Variants in GANC observed in about 807,000 individuals in gnomAD.
GANC encodes glucosidase alpha, neutral C.
In GANC, 117 loss-of-function variants were observed where a neutral mutation model predicts 124.2. The ratio of observed to expected loss-of-function variants is 0.94; its 90% CI spans 0.81 to 1.10. The LOEUF is 1.10. GANC is among the 50% of genes least tolerant of loss of function. The pLI, the probability that GANC is intolerant of heterozygous loss-of-function variation, is 0.00. For missense variants in GANC, 1,140 were observed against 1,095.0 expected (o/e 1.04, Z -0.58); for synonymous variants, 377 against 376.8 (o/e 1.00, Z -0.01).
chr15:42,282,913 T>C (rs1347055014), intron 3 of GANC, among the ~76,000 whole-genome samples: 1 of 152,220 alleles, frequency 6.6e-6, no homozygotes. Flanking sequence ...TCTTGTGCCC[T>C]CGCATAGTGG....
At chr15:42,308,343 G>A in intron 8 of GANC, 25 bp downstream of exon 8, 3 of 1,443,070 alleles carry the variant, frequency 2.1e-6, no homozygotes, top group Non-Finnish European at 2.9e-6. Context: ...GAATTCTTAT[G>A]GGAGTCTCTG....
chr15:42,345,718 G>T, intron 19 of GANC, 40 bp from the exon 20 acceptor site: 2 of 1,240,464 alleles, frequency 1.6e-6, no homozygotes, highest in South Asian at 1.3e-5. Flanking sequence ...GAGCAGAGTT[G>T]CTTATGTACT....
chr15:42,330,452 TATTTTA>T, intron 14 of GANC, 118 bp from the exon 15 acceptor site: 1 of 631,814 alleles, frequency 1.6e-6, no homozygotes, highest in East Asian at 3.1e-5. Flanking sequence ...TTGATGGATT[TATTTTA>T]ATATTTTCCA....
At chr15:42,295,020 G>T in intron 5 of GANC, among the ~76,000 whole-genome samples, 1 of 142,210 alleles carries the variant, frequency 7.0e-6, no homozygotes. Flanking sequence ...CACCCAGGCT[G>T]GAGTGCAGTG....
At chr15:42,305,391 C>T (rs2051984957) in intron 6 of GANC, among the ~76,000 whole-genome samples, 1 of 152,214 alleles carries the variant, frequency 6.6e-6, no homozygotes, top group African/African-American at 2.4e-5. Context: ...ATCAAAACCA[C>T]AATGAGATAC....
Position 42,329,350 on chromosome 15 carries a change from T to C in GANC, c.1545T>C (p.Pro515=), listed in dbSNP as rs2052223259. Residue 515 remains proline, a synonymous_variant, in exon 14 of 24, where the codon CCT becomes CCC. Transcript: ENST00000318010. ...ILFLWNDMNE[P]SVFRGPEQTM... is the part of the protein sequence containing the mutation. Reference sequence around the variant, plus strand: ...TCCTTTGGAATGACATGAATGAGCCTTCTGTCTTTAGAGGGCCAGAGCAAA... The same window carrying C: ...TCCTTTGGAATGACATGAATGAGCCCTCTGTCTTTAGAGGGCCAGAGCAAA... 6.2e-7 allele frequency: 1 copy of C among 1,614,020 alleles called. No individual in the cohort carries two copies. The highest frequency in any genetic ancestry group is 1.1e-5 in the South Asian group (1 of 91,060).
At chr15:42,341,468 C>G (rs1273253346) in intron 18 of GANC, among the ~76,000 whole-genome samples, 1 of 152,092 alleles carries the variant, frequency 6.6e-6, no homozygotes, top group Non-Finnish European at 1.5e-5. Context: ...GATTAACTAT[C>G]AAATCCAGAA....
intron 2 of GANC, among the ~76,000 whole-genome samples, chr15:42,277,031 G>C (rs974641800): frequency 7.9e-5 from 12 of 151,888 alleles, no homozygotes; most frequent in Non-Finnish European, 1.3e-4. Context: ...CTAGACCCTT[G>C]GGTTGTTTTT....
At position 42,329,289 on chromosome 15, in the gene GANC, C is replaced by T; in HGVS notation, c.1501-17C>T. On this transcript the variant is annotated splice_polypyrimidine_tract_variant and intron_variant, in intron 13 of 23. Coordinates refer to ENST00000318010, the MANE Select transcript of GANC (RefSeq NM_198141.3). ...ATCATCAATGTAGGAGTGTCATGACCAAGGTTTACTTCCTAGGGATCTACG... is the reference window on the plus strand; with the variant it reads ...ATCATCAATGTAGGAGTGTCATGACTAAGGTTTACTTCCTAGGGATCTACG... 2 of 1,604,982 alleles carry T rather than the reference C, an allele frequency of 1.2e-6. No homozygotes were observed. Among genetic ancestry groups the T allele is most frequent in the Non-Finnish European group, 1.7e-6 (2 of 1,176,574 alleles).
chr15:42,330,444 G>A, intron 14 of GANC, 132 bp from the exon 15 acceptor site: 2 of 607,338 alleles, frequency 3.3e-6, no homozygotes, highest in Non-Finnish European at 5.7e-6. Flanking sequence ...AAAATTATTT[G>A]ATGGATTTAT....
intron 10 of GANC, among the ~76,000 whole-genome samples, chr15:42,312,171 G>C (rs541670851): frequency 6.6e-6 from 1 of 152,288 alleles, no homozygotes; most frequent in South Asian, 2.1e-4. Context: ...TGGAAAAGCT[G>C]ATCTTCCATA....
At position 42,348,262 on chromosome 15, in the gene GANC, C is replaced by T. The variant is rs765380528; in HGVS notation, c.2418+46C>T. 5 of 1,186,176 alleles carry T rather than the reference C, an allele frequency of 4.2e-6. No homozygotes were observed. The African/African-American group carries it at 7.6e-5, about 18-fold the overall frequency. The allele number at this position is 1,186,176 out of a possible 1,614,324, so 73.5% of individuals were successfully genotyped here. A position where few individuals can be genotyped will look rare whatever the true frequency, so the allele number is the denominator to read the frequency against. ...TCATTTTGTTTCTACTCTTTCTTTA[C>T]AGTGATAGCCTTTTGAGTGTGTGAC... On this transcript the variant is annotated intron_variant, in intron 21 of 23. Coordinates refer to ENST00000318010, the MANE Select transcript of GANC (RefSeq NM_198141.3).
At chr15:42,309,477 G>A (rs1370717158) in intron 8 of GANC, among the ~76,000 whole-genome samples, 1 of 151,828 alleles carries the variant, frequency 6.6e-6, no homozygotes. Flanking sequence ...GCGCCACTAC[G>A]CCCAGCTAAT....
intron 10 of GANC, among the ~76,000 whole-genome samples, chr15:42,318,449 C>T (rs751184441): frequency 3.3e-5 from 5 of 152,224 alleles, no homozygotes; most frequent in Admixed American, 6.5e-5. Context: ...TACCTTCTTG[C>T]TCCAAAACCA....
chr15:42,273,250 C>T lies in GANC; in HGVS notation c.-1232C>T, dbSNP rs555842171. Reference sequence around the variant, plus strand: ...GGTTCAGACGTTAGTGAAGTGAATACTCACCGACGGTATCGGAATGTGCCA... The same window carrying T: ...GGTTCAGACGTTAGTGAAGTGAATATTCACCGACGGTATCGGAATGTGCCA... On this transcript the variant is annotated 5_prime_UTR_variant, in exon 1 of 24. Coordinates refer to ENST00000318010, the MANE Select transcript of GANC (RefSeq NM_198141.3). 3.0e-5 allele frequency: 48 copies of T among 1,614,114 alleles called. No individual in the cohort carries two copies. In the East Asian group the frequency reaches 1.0e-3, roughly 35 times the overall value.
At chr15:42,322,185 A>G (rs1185314816) in intron 11 of GANC, among the ~76,000 whole-genome samples, 165 bp downstream of exon 11, 4 of 152,190 alleles carry the variant, frequency 2.6e-5, no homozygotes, top group Admixed American at 2.6e-4. Context: ...AGTGAATGGT[A>G]AAAAGGTGAT....
intron 20 of GANC, among the ~76,000 whole-genome samples, chr15:42,346,095 T>C (rs2052360707): frequency 6.6e-6 from 1 of 152,202 alleles, no homozygotes; most frequent in Non-Finnish European, 1.5e-5. Flanking sequence ...CTCAGTTTTC[T>C]TCTTACAAGG....
At chr15:42,327,266 CCATT>C in intron 12 of GANC, 93 bp from the exon 13 acceptor site, 1 of 854,840 alleles carries the variant, frequency 1.2e-6, no homozygotes, top group Non-Finnish European at 1.8e-6. Context: ...TGTAAGGTGC[CCATT>C]TCCCAGCTCT....
In GANC at chr15:42,306,616, A is replaced by G. The variant is rs761632227; in HGVS notation, c.625+4A>G. On this transcript the variant is annotated splice_donor_region_variant and intron_variant, in intron 7 of 23. Coordinates refer to ENST00000318010, the MANE Select transcript of GANC (RefSeq NM_198141.3). ...TTTGTGGATATCAAAGCTAATGGTA[A>G]AATTGAAACTGGTATAGTATTAAAA... 1 of 1,586,942 alleles carries G rather than the reference A, an allele frequency of 6.3e-7. No homozygotes were observed. Among genetic ancestry groups the G allele is most frequent in the Admixed American group, 1.7e-5 (1 of 59,752 alleles).
Sources: allele counts gnomAD v4.1 joint callset (sites outside exome capture counted in the v4.1 genomes callset), GRCh38; gene constraint gnomAD v4.1.1; transcripts MANE v1.5; gene names NCBI Gene and HGNC (gene_info 2026-07-23, HGNC 2026-07-21).